Variants in SNED1 observed in about 807,000 individuals in gnomAD.
SNED1 encodes the protein sushi, nidogen and EGF-like domain-containing protein 1.
Under a neutral mutation model 166.7 loss-of-function variants are expected in SNED1, and 81 were observed. The observed-to-expected ratio is 0.49, with a 90% CI of 0.41 to 0.58. The LOEUF (loss-of-function observed/expected upper bound fraction) is 0.58, where lower values mean the gene tolerates loss of function less well. Ranked by LOEUF, SNED1 falls within the 20% of genes least tolerant of loss-of-function variation. SNED1 has a pLI of 0.00. For missense variants in SNED1, 1,604 were observed against 2,000.2 expected (o/e 0.80, Z 3.78); for synonymous variants, 762 against 822.0 (o/e 0.93, Z 1.25).
In SNED1 at chr2:241,052,072, T is replaced by C. The variant is rs775429674; in HGVS notation, c.1884T>C (p.Cys628=). The part of the protein sequence containing the change: ...GKPDSCASGP[C]HNGGTCFHYI... ...CAGACTCGTGTGCCTCTGGCCCCTG[T>C]CACAACGGCGGCACCTGCTTCCACT... Residue 628 remains cysteine, a synonymous_variant, in exon 14 of 32, where the codon TGT becomes TGC. Transcript: ENST00000310397. The C allele has an allele frequency of 6.2e-6, 10 of 1,613,806 alleles. 1 individual carries two copies. Among genetic ancestry groups the C allele is most frequent in the Non-Finnish European group, 8.5e-6 (10 of 1,179,838 alleles).
intron 9 of SNED1, 63 bp from the exon 10 acceptor site, chr2:241,048,599 T>A (rs2061734183): frequency 6.6e-7 from 1 of 1,522,680 alleles, no homozygotes. Flanking sequence ...GGGCAGGGTC[T>A]GGAGCGAGGG....
chr2:241,028,022 C>T (rs535800805), intron 1 of SNED1, among the ~76,000 whole-genome samples: 6 of 152,114 alleles, frequency 3.9e-5, no homozygotes, highest in African/African-American at 4.8e-5. Flanking sequence ...CGTGAGCCAC[C>T]GCGCCGGGCC....
rs1247803943 is a variant in SNED1, at chr2:241,033,887, C to T, written c.642+12C>T. The stretch of plus-strand genomic sequence containing the variant: ...GCATCGCAGCCCAGGTAGGCGAGTG[C>T]AGTCGGTGCTCTGTGTTCAGAACCC... On this transcript the variant is annotated intron_variant, in intron 3 of 31. Coordinates refer to ENST00000310397, the MANE Select transcript of SNED1 (RefSeq NM_001080437.3). 3 of 1,587,648 alleles carry T rather than the reference C, an allele frequency of 1.9e-6. No individual in the cohort carries two copies. Among genetic ancestry groups the T allele is most frequent in the Non-Finnish European group, 2.6e-6 (3 of 1,167,788 alleles).
chr2:241,039,050 C>T (rs753392249), intron 6 of SNED1, among the ~76,000 whole-genome samples: 68 of 152,318 alleles, frequency 4.5e-4, no homozygotes, highest in Middle Eastern at 3.4e-3. Flanking sequence ...GGACCGTGAG[C>T]CTTCACTTTC....
At position 241,066,969 on chromosome 2, in the gene SNED1, C is replaced by T. The variant is rs533611258; in HGVS notation, c.3011-795C>T. ...CACCTCGGCCAGTGGAGAGCCTGGGCGCATGTGCGGGTGGCACTGAGCAGG... is the reference window on the plus strand; with the variant it reads ...CACCTCGGCCAGTGGAGAGCCTGGGTGCATGTGCGGGTGGCACTGAGCAGG... On this transcript the variant is annotated intron_variant, in intron 21 of 31. Coordinates refer to ENST00000310397, the MANE Select transcript of SNED1 (RefSeq NM_001080437.3). Among the ~76,000 whole-genome samples, 23 of 152,344 alleles carry T rather than the reference C, an allele frequency of 1.5e-4. No individual in the cohort carries two copies. In the South Asian group the frequency reaches 3.7e-3, roughly 25 times the overall value.
intron 1 of SNED1, among the ~76,000 whole-genome samples, chr2:241,004,400 C>T (rs749704762): frequency 1.2e-4 from 19 of 152,124 alleles, no homozygotes; most frequent in Non-Finnish European, 2.2e-4. Context: ...ATGTAATTAT[C>T]AATATGGTTG....
rs1052739095 is a variant in SNED1, at chr2:241,030,137, G to A, written c.214-147G>A. On this transcript the variant is annotated intron_variant, in intron 1 of 31. Coordinates refer to ENST00000310397, the MANE Select transcript of SNED1 (RefSeq NM_001080437.3). ...CATGCTGGGCCCATCTCAGGGACGG[G>A]GGGCTGTCAGGCCACCCTGGGGATA... 5 of 705,228 alleles carry A rather than the reference G, an allele frequency of 7.1e-6. No homozygotes were observed. In the Admixed American group the frequency reaches 1.5e-4, roughly 21 times the overall value. 43.7% of individuals were successfully genotyped at this position (705,228 alleles called of 1,614,324 possible).
At chr2:241,071,944 G>A (rs1430888774) in intron 26 of SNED1, 66 bp downstream of exon 26, 3 of 1,305,112 alleles carry the variant, frequency 2.3e-6, no homozygotes, top group Non-Finnish European at 3.3e-6. Flanking sequence ...ACTCTCACCA[G>A]GTCCTGTCCC....
At chr2:241,087,782 G>GTATT (rs2063661718) in intron 30 of SNED1, 9 of 975,726 alleles carry the variant, frequency 9.2e-6, no homozygotes, top group Non-Finnish European at 1.2e-5. Flanking sequence ...ACAGCCCCGA[G>GTATT]TATTTAATGG....
Position 240,998,963 on chromosome 2 carries a change from C to G in SNED1, c.126C>G (p.Val42=). 1 of 1,310,184 alleles carries G rather than the reference C, an allele frequency of 7.6e-7. No homozygotes were observed. Among genetic ancestry groups the G allele is most frequent in the South Asian group, 1.9e-5 (1 of 51,812 alleles). 81.2% of individuals were successfully genotyped at this position (1,310,184 alleles called of 1,614,324 possible). The change falls in exon 1 of 32, where the codon GTC becomes GTG. Residue 42 remains valine, a synonymous_variant. Transcript: ENST00000310397. ...YPFGAERGDA[V]TPKQDDGGSG... Reference sequence around the variant, plus strand: ...TCGGCGCCGAGCGCGGCGACGCCGTCACCCCCAAGCAGGACGACGGCGGCT... The same window carrying G: ...TCGGCGCCGAGCGCGGCGACGCCGTGACCCCCAAGCAGGACGACGGCGGCT...
At chr2:241,003,605 C>T (rs1048220498) in intron 1 of SNED1, among the ~76,000 whole-genome samples, 7 of 152,228 alleles carry the variant, frequency 4.6e-5, no homozygotes, top group South Asian at 2.1e-4. Flanking sequence ...AGCCCACAGC[C>T]GACTCCCTCC....
intron 27 of SNED1, among the ~76,000 whole-genome samples, chr2:241,078,965 T>C (rs2125288857): frequency 6.7e-6 from 1 of 150,308 alleles, no homozygotes; most frequent in Middle Eastern, 3.4e-3. Flanking sequence ...AATACAAAAA[T>C]TAGCCAGGCA....
chr2:241,053,344 T>A lies in SNED1; in HGVS notation c.2257+18T>A. The A allele has an allele frequency of 6.5e-7, 1 of 1,548,896 alleles. No homozygotes were observed. Among genetic ancestry groups the A allele is most frequent in the Non-Finnish European group, 8.7e-7 (1 of 1,145,464 alleles). ...GTGCCTTGGTGATTCTGTGGGCCCT[T>A]GGGGTGGGGCAGGTGGGGCCCACAC... On this transcript the variant is annotated intron_variant, in intron 16 of 31. Transcript: ENST00000310397.
chr2:241,022,750 C>T (rs573421659), intron 1 of SNED1, among the ~76,000 whole-genome samples: 36 of 152,320 alleles, frequency 2.4e-4, no homozygotes, highest in African/African-American at 8.7e-4. Context: ...TTCTGTCATG[C>T]TAACATTCTT....
At chr2:241,035,613 G>A (rs1375233706) in intron 4 of SNED1, 1 of 152,218 alleles carries the variant, frequency 6.6e-6, no homozygotes, top group Non-Finnish European at 1.5e-5. Flanking sequence ...CGAGCATCTA[G>A]GCTACGAGAG....
At chr2:241,089,566 G>A (rs887138943) in intron 31 of SNED1, among the ~76,000 whole-genome samples, 9 of 109,618 alleles carry the variant, frequency 8.2e-5, no homozygotes, top group African/African-American at 3.6e-4. Flanking sequence ...CTGCCTCTTC[G>A]GATGTGGAAA....
Position 241,073,089 on chromosome 2 carries a change from CA to C in SNED1, c.3818-176del. ...CAGAGGGTCAGCAGGAGGGTGAGGC[CA>C]GCCCTTCAGGGGAGGCAGCTCTGGG... is the stretch of plus-strand genomic sequence containing the variant. On this transcript the variant is annotated intron_variant, in intron 26 of 31. Coordinates refer to ENST00000310397, the MANE Select transcript of SNED1 (RefSeq NM_001080437.3). The surrounding 1 kb of genome is among the most constrained non-coding windows in gnomAD (Gnocchi z 6.6). 4 of 585,124 alleles carry C rather than the reference CA, an allele frequency of 6.8e-6. No homozygotes were observed. The South Asian group carries it at 8.6e-5, about 13-fold the overall frequency. The allele number at this position is 585,124 out of a possible 1,614,324, so 36.2% of individuals were successfully genotyped here. A position where few individuals can be genotyped will look rare whatever the true frequency, so the allele number is the denominator to read the frequency against.
intron 1 of SNED1, among the ~76,000 whole-genome samples, chr2:241,002,168 A>T (rs1052465087): frequency 3.3e-5 from 5 of 151,834 alleles, no homozygotes; most frequent in African/African-American, 1.2e-4. Context: ...AAGCTCCCCC[A>T]TCAGGTCATA....
rs766698271 is a variant in SNED1, at chr2:241,053,346, G to GGGTGGGGCA, written c.2257+29_2257+37dup. The stretch of plus-strand genomic sequence containing the variant: ...GCCTTGGTGATTCTGTGGGCCCTTG[G>GGGTGGGGCA]GGTGGGGCAGGTGGGGCCCACACCC... On this transcript the variant is annotated intron_variant, in intron 16 of 31. Coordinates refer to ENST00000310397, the MANE Select transcript of SNED1 (RefSeq NM_001080437.3). 1.1e-5 allele frequency: 17 copies of GGGTGGGGCA among 1,546,232 alleles called. No individual in the cohort carries two copies. In the African/African-American group the frequency reaches 2.3e-4, roughly 21 times the overall value.
Sources: allele counts gnomAD v4.1 joint callset (sites outside exome capture counted in the v4.1 genomes callset), GRCh38; gene constraint gnomAD v4.1.1; non-coding constraint Gnocchi (gnomAD v3.1); transcripts MANE v1.5; gene names NCBI Gene and HGNC (gene_info 2026-07-23, HGNC 2026-07-21).